Variants in IQSEC1 observed in about 807,000 individuals in gnomAD.
IQSEC1 encodes IQ motif and Sec7 domain ArfGEF 1, also known as IQ motif and SEC7 domain-containing protein 1.
A neutral mutation model predicts 91.0 loss-of-function variants in IQSEC1; 31 were observed. The ratio of observed to expected loss-of-function variants is 0.34; its 90% confidence interval spans 0.26 to 0.46. The LOEUF is 0.46. Ranked by LOEUF, IQSEC1 falls within the 20% of genes least tolerant of loss-of-function variation. The pLI, the probability that IQSEC1 is intolerant of heterozygous loss-of-function variation, is 1.00. For missense variants in IQSEC1, 1,388 were observed against 1,575.6 expected (o/e 0.88, Z 2.02); for synonymous variants, 699 against 662.6 (o/e 1.05, Z -0.84).
At chr3:12,948,715 G>C (rs1194094729) in intron 1 of IQSEC1, among the ~76,000 whole-genome samples, 2 of 152,304 alleles carry the variant, frequency 1.3e-5, no homozygotes, top group South Asian at 2.1e-4. Context: ...TATCGACAAC[G>C]ACAATGGTAG....
chr3:13,132,479 G>C (rs1277202036), intron 2 of IQSEC1, among the ~76,000 whole-genome samples: 3 of 152,162 alleles, frequency 2.0e-5, no homozygotes, highest in South Asian at 2.1e-4. Context: ...CAGAGTCCTC[G>C]AGCTCTGTGC....
chr3:13,255,790 G>A (rs1024483716), intron 1 of IQSEC1, among the ~76,000 whole-genome samples: 1 of 152,188 alleles, frequency 6.6e-6, no homozygotes, highest in African/African-American at 2.4e-5. Flanking sequence ...CACTCAGCCG[G>A]CCTTACAGTG....
chr3:13,183,869 G>C (rs1693887426), intron 1 of IQSEC1, among the ~76,000 whole-genome samples: 1 of 152,140 alleles, frequency 6.6e-6, no homozygotes, highest in African/African-American at 2.4e-5. Context: ...AATAAGGAAA[G>C]AGCAAGGACA....
At chr3:13,197,354 G>T (rs1382250633) in intron 1 of IQSEC1, among the ~76,000 whole-genome samples, 6 of 152,176 alleles carry the variant, frequency 3.9e-5, no homozygotes, top group African/African-American at 1.4e-4. Context: ...GGAGGGTGGG[G>T]TGCTCCCTGC....
chr3:13,112,686 C>A (rs936618415), intron 2 of IQSEC1, among the ~76,000 whole-genome samples: 1 of 152,184 alleles, frequency 6.6e-6, no homozygotes, highest in Non-Finnish European at 1.5e-5. Flanking sequence ...GGCTGCAGGG[C>A]CAGGGAGCTG....
intron 3 of IQSEC1, among the ~76,000 whole-genome samples, chr3:12,931,690 C>T (rs1237954198): frequency 1.3e-5 from 2 of 152,194 alleles, no homozygotes; most frequent in South Asian, 2.1e-4. Context: ...GAAACAGCCA[C>T]GCTCCCTGCA....
intron 2 of IQSEC1, among the ~76,000 whole-genome samples, chr3:13,158,433 T>C (rs1457091091): frequency 1.3e-5 from 2 of 152,230 alleles, no homozygotes; most frequent in Non-Finnish European, 2.9e-5. Flanking sequence ...TGCCTTGGTA[T>C]GGAGACAGAA....
chr3:13,282,175 G>A lies in IQSEC1; in HGVS notation c.272+536C>T, dbSNP rs1168734415. Reference sequence around the variant, plus strand: ...AACCCCAGCCTTGAAGTAAGAGACAGAGGCGTCCACAGAAGAGGGCTCTGC... The same window carrying A: ...AACCCCAGCCTTGAAGTAAGAGACAAAGGCGTCCACAGAAGAGGGCTCTGC... On this transcript the variant is annotated intron_variant, in intron 1 of 15. Transcript: ENST00000648114. This position sits in a 1 kb window ranked among gnomAD's most constrained non-coding sequence, Gnocchi z 6.4. 6.6e-6 allele frequency among the ~76,000 whole-genome samples: 1 copy of A among 152,218 alleles called. No homozygotes were observed. Among genetic ancestry groups the A allele is most frequent in the African/African-American group, 2.4e-5 (1 of 41,460 alleles).
At chr3:12,913,951 C>A (rs963386128) in intron 8 of IQSEC1, among the ~76,000 whole-genome samples, 2 of 152,204 alleles carry the variant, frequency 1.3e-5, no homozygotes, top group Non-Finnish European at 2.9e-5. Context: ...GGCCACTCAG[C>A]CCTGCAAAAG....
At position 13,065,118 on chromosome 3, in the gene IQSEC1, T is replaced by G. The variant is rs142605837; in HGVS notation, c.23+7874A>C. On this transcript the variant is annotated intron_variant, in intron 1 of 13. Coordinates refer to ENST00000613206, the MANE Select transcript of IQSEC1 (RefSeq NM_001134382.3). ...CCCACTGCAAGCAGCTGGCCAGGGC[T>G]TCCCATGGAAGGAGACCACCACCTC... is the stretch of plus-strand genomic sequence containing the variant. Among the ~76,000 whole-genome samples the G allele has an allele frequency of 5.6e-3, 856 of 152,322 alleles. 8 individuals are homozygous for G. Among genetic ancestry groups the G allele is most frequent in the Middle Eastern group, 0.01 (3 of 294 alleles).
intron 1 of IQSEC1, among the ~76,000 whole-genome samples, chr3:13,039,107 A>G (rs2125033145): frequency 6.6e-6 from 1 of 152,312 alleles, no homozygotes; most frequent in South Asian, 2.1e-4. Flanking sequence ...TATTTCATTA[A>G]CCAAAGTACC....
rs1700861719 is a variant in IQSEC1 at position 12,970,914 on chromosome 3, AGCCTGGT to A, written c.24-29056_24-29050del. 6.6e-6 allele frequency among the ~76,000 whole-genome samples: 1 copy of A among 152,232 alleles called. No individual in the cohort carries two copies. Among genetic ancestry groups the A allele is most frequent in the South Asian group, 2.1e-4 (1 of 4,836 alleles). On this transcript the variant is annotated intron_variant, in intron 1 of 13. Transcript: ENST00000613206. The surrounding 1 kb of genome is among the most constrained non-coding windows in gnomAD (Gnocchi z 4.4). ...GCAGCAGCCCCTGTGCCGACAGTGGAGCCTGGTGCACAGAAGGTCTTCGACAGCTGAA... is the reference window on the plus strand; with the variant it reads ...GCAGCAGCCCCTGTGCCGACAGTGGAGCACAGAAGGTCTTCGACAGCTGAA...
chr3:13,019,587 C>G (rs985428679), intron 1 of IQSEC1, among the ~76,000 whole-genome samples: 1 of 152,236 alleles, frequency 6.6e-6, no homozygotes, highest in African/African-American at 2.4e-5. Flanking sequence ...GGGGCGTGGC[C>G]TTAGTCCTTT....
intron 2 of IQSEC1, among the ~76,000 whole-genome samples, chr3:13,114,222 C>A (rs533606879): frequency 6.6e-6 from 1 of 152,016 alleles, no homozygotes; most frequent in Non-Finnish European, 1.5e-5. Flanking sequence ...CTGCAGGATG[C>A]GGGTGGGGAT....
intron 1 of IQSEC1, among the ~76,000 whole-genome samples, chr3:13,020,572 CAGA>C (rs1703354619): frequency 6.6e-6 from 1 of 152,248 alleles, no homozygotes; most frequent in Non-Finnish European, 1.5e-5. Flanking sequence ...TTTACCCCAA[CAGA>C]AGAACCTCAG....
chr3:13,195,895 A>G (rs1359205248), intron 1 of IQSEC1, among the ~76,000 whole-genome samples: 2 of 152,202 alleles, frequency 1.3e-5, no homozygotes, highest in African/African-American at 4.8e-5. Context: ...CTGGCATATT[A>G]GACTGTGGTT....
intron 2 of IQSEC1, among the ~76,000 whole-genome samples, chr3:13,131,208 T>C (rs1706610807): frequency 6.6e-6 from 1 of 152,216 alleles, no homozygotes; most frequent in Non-Finnish European, 1.5e-5. Flanking sequence ...ACCCCTTGAT[T>C]ATGGAGTGAC....
chr3:13,185,236 T>C (rs1249245870), intron 1 of IQSEC1, among the ~76,000 whole-genome samples: 1 of 152,152 alleles, frequency 6.6e-6, no homozygotes, highest in Non-Finnish European at 1.5e-5. Context: ...ATGGGAGTTG[T>C]CACCTCGTTC....
At chr3:12,973,917 C>T (rs576244435) in intron 1 of IQSEC1, among the ~76,000 whole-genome samples, 17 of 152,136 alleles carry the variant, frequency 1.1e-4, no homozygotes, top group Non-Finnish European at 1.9e-4. Context: ...TTCCCCAGCT[C>T]CTTCTGCACT....
Sources: allele counts gnomAD v4.1 joint callset (sites outside exome capture counted in the v4.1 genomes callset), GRCh38; gene constraint gnomAD v4.1.1; non-coding constraint Gnocchi (gnomAD v3.1); transcripts MANE v1.5; gene names NCBI Gene and HGNC (gene_info 2026-07-23, HGNC 2026-07-21).